ANXA6: variants seen among roughly 807,000 people sequenced by gnomAD.
The protein encoded by ANXA6 is 67 kDa calelectrin.
Under a neutral mutation model 95.4 loss-of-function variants are expected in ANXA6, and 71 were observed. The ratio of observed to expected loss-of-function variants is 0.74; its 90% CI spans 0.61 to 0.91. The LOEUF is 0.91. Among genes scored for constraint, ANXA6 ranks in the 40% least tolerant of loss-of-function variants. The probability of loss-of-function intolerance (pLI) is 0.00; values close to 1 mark genes in which losing one functional copy is unlikely to be tolerated. For missense variants in ANXA6, 830 were observed against 876.4 expected, an observed-to-expected ratio of 0.95 and a Z score of 0.67; for synonymous variants, 289 against 315.9, an observed-to-expected ratio of 0.91 and a Z score of 0.90.
chr5:151,116,831 G>A (rs537048607), intron 20 of ANXA6, among the ~76,000 whole-genome samples: 76 of 152,316 alleles, frequency 5.0e-4, no homozygotes, highest in South Asian at 8.3e-4. Context: ...ACTTTCAGAA[G>A]TCATTTGCCC....
intron 2 of ANXA6, among the ~76,000 whole-genome samples, chr5:151,143,545 T>C (rs770875863): frequency 6.6e-6 from 1 of 152,066 alleles, no homozygotes; most frequent in Non-Finnish European, 1.5e-5. Flanking sequence ...GTCTACTAAG[T>C]AGATGCTTAG....
At chr5:151,154,015 A>T (rs1766172104) in intron 1 of ANXA6, among the ~76,000 whole-genome samples, 1 of 152,014 alleles carries the variant, frequency 6.6e-6, no homozygotes, top group African/African-American at 2.4e-5. Context: ...TGCTTTCTTT[A>T]GTGACCTCAG....
At chr5:151,139,642 A>G (rs1031798418) in intron 3 of ANXA6, among the ~76,000 whole-genome samples, 195 bp from the exon 4 acceptor site, 12 of 152,190 alleles carry the variant, frequency 7.9e-5, no homozygotes, top group Non-Finnish European at 1.6e-4. Flanking sequence ...GACACAGCAC[A>G]CACAATATCT....
intron 13 of ANXA6, among the ~76,000 whole-genome samples, chr5:151,127,205 A>G (rs1425635559): frequency 1.3e-5 from 2 of 152,260 alleles, no homozygotes; most frequent in East Asian, 1.9e-4. Flanking sequence ...AAGTGCCTGG[A>G]TGCATCAGGA....
chr5:151,144,063 T>A (rs957486577), intron 2 of ANXA6, among the ~76,000 whole-genome samples: 2 of 152,114 alleles, frequency 1.3e-5, no homozygotes, highest in Non-Finnish European at 2.9e-5. Context: ...GGCAAAGAGA[T>A]GAGGCTGGAG....
Position 151,129,527 on chromosome 5 carries a change from G to A in ANXA6, c.798C>T (p.Gly266=). 1 of 1,601,266 alleles carries A rather than the reference G, an allele frequency of 6.2e-7. No individual in the cohort carries two copies. The highest frequency in any genetic ancestry group is 1.1e-5 in the South Asian group (1 of 89,040). Residue 266 remains glycine, a splice_region_variant and synonymous_variant, in exon 12 of 26, where the codon GGC becomes GGT. Transcript: ENST00000354546. The stretch of plus-strand genomic sequence containing the variant: ...TCAGGGTGTTGTCCCGAGTCCCCAG[G>A]CCCTGCAAGACAAGTGGGTTTGGGG... ...FAERLFKAMK[G]LGTRDNTLIR... is the part of the protein sequence containing the mutation.
At chr5:151,132,958 A>G in intron 9 of ANXA6, 136 bp downstream of exon 9, 1 of 695,586 alleles carries the variant, frequency 1.4e-6, no homozygotes, top group Non-Finnish European at 2.4e-6. Flanking sequence ...CAACCTAATA[A>G]ACTCAGGACT....
At chr5:151,156,612 G>A (rs1252696824) in intron 1 of ANXA6, among the ~76,000 whole-genome samples, 1 of 152,138 alleles carries the variant, frequency 6.6e-6, no homozygotes, top group Non-Finnish European at 1.5e-5. Context: ...ACAAACCCGG[G>A]AGCCATATGT....
At chr5:151,112,671 A>C (rs111317562) in intron 20 of ANXA6, among the ~76,000 whole-genome samples, 2 of 152,316 alleles carry the variant, frequency 1.3e-5, no homozygotes, top group African/African-American at 4.8e-5. Context: ...ACTCTACCAA[A>C]AAATTAGCTG....
intron 17 of ANXA6, among the ~76,000 whole-genome samples, chr5:151,121,889 G>C (rs1426457234): frequency 6.6e-6 from 1 of 152,228 alleles, no homozygotes; most frequent in Non-Finnish European, 1.5e-5. Flanking sequence ...TGAGAGTGAA[G>C]CCAGAAGGGA....
chr5:151,139,146 T>G (rs1765753077), intron 4 of ANXA6: 1 of 592,042 alleles, frequency 1.7e-6, no homozygotes, highest in South Asian at 2.0e-5. Context: ...CCCTAACACC[T>G]AGCACGAGCC....
In ANXA6 at chr5:151,139,420, A is replaced by T; in HGVS notation, c.137T>A (p.Ile46Lys). The change falls in exon 4 of 26, where the codon ATA (isoleucine) becomes AAA (lysine). Residue 46 changes from isoleucine to lysine, a missense_variant. Ile to Lys is a moderately radical substitution (Grantham distance 102, BLOSUM62 -3). Coordinates refer to ENST00000354546, the MANE Select transcript of ANXA6 (RefSeq NM_001155.5). ...CTGCCTGTTGCTCCGTGAGGTGATT[A>T]TGTCCAGTATGGCCTCCTTGTCACT... is the stretch of plus-strand genomic sequence containing the variant. ...FGSDKEAILD[I>K]ITSRSNRQRQ... is the part of the protein sequence containing the mutation. The T allele has an allele frequency of 6.2e-7, 1 of 1,613,650 alleles. No individual in the cohort carries two copies. Among genetic ancestry groups the T allele is most frequent in the Non-Finnish European group, 8.5e-7 (1 of 1,179,678 alleles).
chr5:151,120,095 G>T (rs180992343), intron 17 of ANXA6, among the ~76,000 whole-genome samples: 2 of 152,170 alleles, frequency 1.3e-5, no homozygotes, highest in Admixed American at 6.5e-5. Context: ...GTCCAGGCTG[G>T]TCTGGAACTC....
At position 151,138,565 on chromosome 5, in the gene ANXA6, C is replaced by T. The variant is rs1019606599; in HGVS notation, c.318+113G>A. 25 of 699,064 alleles carry T rather than the reference C, an allele frequency of 3.6e-5. No homozygotes were observed. In the African/African-American group the frequency reaches 3.9e-4, roughly 11 times the overall value. 43.3% of individuals were successfully genotyped at this position (699,064 alleles called of 1,614,324 possible). A position where few individuals can be genotyped will look rare whatever the true frequency, so the allele number is the denominator to read the frequency against. On this transcript the variant is annotated intron_variant, in intron 5 of 25. Coordinates refer to ENST00000354546, the MANE Select transcript of ANXA6 (RefSeq NM_001155.5). The stretch of plus-strand genomic sequence containing the variant: ...GATAAATTTAGATGTGTCTTTGAAG[C>T]AGGACACATGTGCTGGGTGGGTATG...
intron 1 of ANXA6, 111 bp from the exon 2 acceptor site, chr5:151,148,037 T>C (rs1365051151): frequency 3.7e-6 from 4 of 1,094,984 alleles, no homozygotes; most frequent in Non-Finnish European, 5.4e-6. Flanking sequence ...GCCCTTCAGG[T>C]TAAATCAGAC....
chr5:151,126,464 A>T lies in ANXA6; in HGVS notation c.994T>A (p.Phe332Ile), dbSNP rs771439087. Reference protein sequence around the residue: ...GGDDDAAGQFFPEAAQVAYQM... With the variant: ...GGDDDAAGQFIPEAAQVAYQM... ...TAGGCCACCTGCGCTGCCTCCGGGA[A>T]GAACTGGCCAGCAGCACTGGAATGG... Residue 332 changes from phenylalanine to isoleucine, a missense_variant, in exon 14 of 26, where the codon TTC becomes ATC. By Grantham distance (21) the Phe-to-Ile change is conservative (BLOSUM62 0). Transcript: ENST00000354546. The T allele has an allele frequency of 1.9e-6, 3 of 1,610,146 alleles. No homozygotes were observed. The highest frequency in any genetic ancestry group is 1.7e-6 in the Non-Finnish European group (2 of 1,178,286).
At chr5:151,129,260 T>C in intron 12 of ANXA6, 147 bp downstream of exon 12, 3 of 1,026,090 alleles carry the variant, frequency 2.9e-6, no homozygotes, top group Non-Finnish European at 4.2e-6. Flanking sequence ...TTAAATTCCT[T>C]GAATGAGCCA....
Position 151,104,418 on chromosome 5 carries a change from G to A in ANXA6, c.1840-726C>T, listed in dbSNP as rs538984074. 5.3e-5 allele frequency among the ~76,000 whole-genome samples: 8 copies of A among 152,318 alleles called. No individual in the cohort carries two copies. In the East Asian group the frequency reaches 1.2e-3, roughly 22 times the overall value. On this transcript the variant is annotated intron_variant, in intron 24 of 25. Coordinates refer to ENST00000354546, the MANE Select transcript of ANXA6 (RefSeq NM_001155.5). ...CAGCCTAGGAGTCAGAGCTAGGTTC[G>A]AGTCCCAGCTCTGCCTCTTAGGAGC...
chr5:151,152,202 G>C (rs189995701), intron 1 of ANXA6, among the ~76,000 whole-genome samples: 2 of 152,218 alleles, frequency 1.3e-5, no homozygotes, highest in African/African-American at 4.8e-5. Context: ...TTCCACATCC[G>C]CAAAATGCAG....
Sources: gnomAD v4.1 joint callset for allele counts (sites outside exome capture counted in the v4.1 genomes callset) on GRCh38, gnomAD v4.1.1 for gene constraint, MANE v1.5 for transcripts, NCBI Gene and HGNC (gene_info 2026-07-23, HGNC 2026-07-21) for gene names.